NOVA1: variants seen among roughly 807,000 people sequenced by gnomAD.
NOVA1 encodes RNA-binding protein Nova-1.
Under a neutral mutation model 38.0 loss-of-function variants are expected in NOVA1, and 7 were observed. The observed-to-expected ratio is 0.18, with a 90% CI of 0.10 to 0.35. NOVA1 has a LOEUF of 0.35. Ranked by LOEUF, NOVA1 falls within the 10% of genes least tolerant of loss-of-function variation. NOVA1 has a pLI of 1.00. For missense variants in NOVA1, 460 were observed against 616.0 expected (o/e 0.75, Z 2.68); for synonymous variants, 270 against 232.5 (o/e 1.16, Z -1.47).
intron 2 of NOVA1, among the ~76,000 whole-genome samples, chr14:26,562,473 T>C (rs1378776714): frequency 2.0e-5 from 3 of 152,048 alleles, no homozygotes; most frequent in Non-Finnish European, 4.4e-5. Context: ...CATATTAAAC[T>C]CCACTCCCTT....
chr14:26,527,869 T>C (rs937490344), intron 2 of NOVA1, among the ~76,000 whole-genome samples: 2 of 152,216 alleles, frequency 1.3e-5, no homozygotes, highest in African/African-American at 4.8e-5. Flanking sequence ...AGACATTCAC[T>C]GGACCTTTTA....
intron 2 of NOVA1, among the ~76,000 whole-genome samples, chr14:26,501,018 C>A (rs1278021364): frequency 4.0e-5 from 6 of 151,866 alleles, no homozygotes; most frequent in African/African-American, 1.4e-4. Flanking sequence ...TTTTTATCAA[C>A]AAACTTATGT....
chr14:26,581,033 C>T (rs982557182), intron 2 of NOVA1, among the ~76,000 whole-genome samples: 1 of 151,452 alleles, frequency 6.6e-6, no homozygotes, highest in African/African-American at 2.4e-5. Flanking sequence ...CTTTTTAGTA[C>T]CTAAAGTTAT....
intron 2 of NOVA1, among the ~76,000 whole-genome samples, chr14:26,557,002 C>G (rs1440337794): frequency 1.3e-5 from 2 of 152,090 alleles, no homozygotes; most frequent in Non-Finnish European, 1.5e-5. Flanking sequence ...TCTTTCCAAG[C>G]CTCTCTCCTT....
rs72488286 is a variant in NOVA1 at position 26,576,855 on chromosome 14, C to T, written c.280+18555G>A. ...AATTATCTATCACTTTCCACAGCTA[C>T]TTTTTTGGTGTGATAAGAGCATGTA... is the stretch of plus-strand genomic sequence containing the variant. On this transcript the variant is annotated intron_variant, in intron 2 of 4. Transcript: ENST00000539517. 1.7e-4 allele frequency among the ~76,000 whole-genome samples: 26 copies of T among 151,910 alleles called. No individual in the cohort carries two copies. In the East Asian group the frequency reaches 4.6e-3, roughly 27 times the overall value.
At chr14:26,566,094 C>A (rs1315660209) in intron 2 of NOVA1, among the ~76,000 whole-genome samples, 9 of 151,982 alleles carry the variant, frequency 5.9e-5, no homozygotes, top group Non-Finnish European at 1.2e-4. Flanking sequence ...AAATAAAAGA[C>A]TATAAAATGC....
chr14:26,597,234 G>A (rs541171224), intron 1 of NOVA1, 67 bp downstream of exon 1: 9 of 1,180,394 alleles, frequency 7.6e-6, no homozygotes, highest in South Asian at 4.3e-5. Context: ...AGGGAGGACG[G>A]CGAGGGAGGG....
chr14:26,507,591 G>C (rs178187), intron 2 of NOVA1, among the ~76,000 whole-genome samples: 96,132 of 151,962 alleles, frequency 0.63, 32,962 homozygotes, highest in Non-Finnish European at 0.75. Context: ...TTTGGAAACA[G>C]ATATTTTCAA....
chr14:26,448,764 T>A lies in NOVA1; in HGVS notation c.719A>T (p.Lys240Met). The change falls in exon 5 of 5, where the codon AAG becomes ATG. Residue 240 changes from lysine (K) to methionine (M), a missense_variant. Coordinates refer to ENST00000539517, the MANE Select transcript of NOVA1 (RefSeq NM_002515.3). The surrounding 1 kb of genome is among the most constrained non-coding windows in gnomAD (Gnocchi z 5.3). ...GCCACTTTGTGGATCCTCTTGTATC[T>A]TCTGGATGATAAGTTCAACAGCTTT... ...NRKAVELIIQ[K>M]IQEDPQSGSC... 6.2e-7 allele frequency: 1 copy of A among 1,614,172 alleles called. No homozygotes were observed. Among genetic ancestry groups the A allele is most frequent in the Non-Finnish European group, 8.5e-7 (1 of 1,180,032 alleles).
chr14:26,547,550 A>T (rs1890865534), intron 2 of NOVA1, among the ~76,000 whole-genome samples: 1 of 152,128 alleles, frequency 6.6e-6, no homozygotes, highest in Non-Finnish European at 1.5e-5. Context: ...CATAAAGTCT[A>T]AAATATAAAA....
chr14:26,549,815 G>A (rs990270560), intron 2 of NOVA1: 2 of 1,143,502 alleles, frequency 1.7e-6, no homozygotes, highest in African/African-American at 1.6e-5. Context: ...CAGTTGCTGC[G>A]TTCCACCTCA....
intron 2 of NOVA1, among the ~76,000 whole-genome samples, chr14:26,530,389 AT>A (rs1889621954): frequency 6.6e-6 from 1 of 152,206 alleles, no homozygotes. Flanking sequence ...TTTATCAAAC[AT>A]TCTGTTAAGA....
chr14:26,475,760 G>C (rs1884938293), intron 3 of NOVA1, among the ~76,000 whole-genome samples: 2 of 152,094 alleles, frequency 1.3e-5, no homozygotes, highest in Admixed American at 6.6e-5. Context: ...TTAACAGTAG[G>C]TAATTAAATG....
chr14:26,540,004 GTT>G (rs1235013225), intron 2 of NOVA1, among the ~76,000 whole-genome samples: 7 of 152,048 alleles, frequency 4.6e-5, no homozygotes, highest in African/African-American at 1.7e-4. Flanking sequence ...TAGTAGTTGG[GTT>G]TAAGTCTTTT....
At chr14:26,521,711 A>G (rs1888913423) in intron 2 of NOVA1, among the ~76,000 whole-genome samples, 1 of 152,260 alleles carries the variant, frequency 6.6e-6, no homozygotes, top group South Asian at 2.1e-4. Flanking sequence ...AAAAGTAGAT[A>G]TGTTAGAACA....
At chr14:26,548,793 T>C (rs1890985450) in intron 2 of NOVA1, among the ~76,000 whole-genome samples, 2 of 129,784 alleles carry the variant, frequency 1.5e-5, no homozygotes, top group South Asian at 5.5e-4. Context: ...TCCCCACTTT[T>C]TTCCCCAAAT....
At chr14:26,587,308 T>TTAAAA (rs374526855) in intron 2 of NOVA1, among the ~76,000 whole-genome samples, 49 of 123,696 alleles carry the variant, frequency 4.0e-4, no homozygotes, top group African/African-American at 1.7e-3. Flanking sequence ...CTAAAATATA[T>TTAAAA]AAAAAAAAAA....
At chr14:26,587,488 A>G (rs2138796111) in intron 2 of NOVA1, among the ~76,000 whole-genome samples, 1 of 151,230 alleles carries the variant, frequency 6.6e-6, no homozygotes, top group East Asian at 1.9e-4. Flanking sequence ...AATATGCATA[A>G]TAATTAACAA....
intron 2 of NOVA1, among the ~76,000 whole-genome samples, chr14:26,527,037 T>A (rs1399794399): frequency 9.9e-6 from 1 of 101,184 alleles, no homozygotes; most frequent in Non-Finnish European, 2.2e-5. Flanking sequence ...TCACCTAAGG[T>A]AAAGTCCAAT....
Sources: allele counts gnomAD v4.1 joint callset (sites outside exome capture counted in the v4.1 genomes callset), GRCh38; gene constraint gnomAD v4.1.1; non-coding constraint Gnocchi (gnomAD v3.1); transcripts MANE v1.5; gene names NCBI Gene and HGNC (gene_info 2026-07-23, HGNC 2026-07-21).